Variants in ZFC3H1 observed in about 807,000 individuals in gnomAD.
ZFC3H1 encodes the protein zinc finger C3H1-type containing, also known as zinc finger C3H1 domain-containing protein.
In ZFC3H1, 71 loss-of-function variants were observed where a neutral mutation model predicts 243.7. That is an observed-to-expected ratio of 0.29 (90% CI 0.24 to 0.36). The LOEUF is 0.36. Ranked by LOEUF, ZFC3H1 falls within the 10% of genes least tolerant of loss-of-function variation. The pLI is 1.00. For missense variants in ZFC3H1, 1,966 were observed against 2,317.1 expected, an observed-to-expected ratio of 0.85 and a Z score of 3.11; for synonymous variants, 838 against 813.0, an observed-to-expected ratio of 1.03 and a Z score of -0.52.
chr12:71,638,390 A>C (rs778061956), intron 7 of ZFC3H1, 28 bp downstream of exon 7: 4 of 1,594,882 alleles, frequency 2.5e-6, no homozygotes, highest in African/African-American at 2.7e-5. Flanking sequence ...AGACAAAATA[A>C]TTTTCTTAGA....
chr12:71,618,125 C>T (rs1281374304), intron 27 of ZFC3H1, among the ~76,000 whole-genome samples: 1 of 151,750 alleles, frequency 6.6e-6, no homozygotes, highest in Admixed American at 6.6e-5. Context: ...ATTAGCCGGG[C>T]GTGGGGGTGT....
At chr12:71,662,511 T>C (rs1313618039) in intron 1 of ZFC3H1, among the ~76,000 whole-genome samples, 1 of 123,164 alleles carries the variant, frequency 8.1e-6, no homozygotes, top group Non-Finnish European at 1.7e-5. Flanking sequence ...CCCCCCACTT[T>C]AAAAGGCAGC....
chr12:71,657,638 T>C (rs1037589292), intron 1 of ZFC3H1, among the ~76,000 whole-genome samples: 3 of 152,182 alleles, frequency 2.0e-5, no homozygotes, highest in Non-Finnish European at 4.4e-5. Flanking sequence ...ATGTTAGAGA[T>C]TATTTTCTGA....
rs1879988282 is a variant in ZFC3H1, at chr12:71,620,135, A to C, written c.4851-11T>G. The C allele has an allele frequency of 1.9e-6, 3 of 1,605,754 alleles. No individual in the cohort carries two copies. The highest frequency in any genetic ancestry group is 2.5e-6 in the Non-Finnish European group (3 of 1,177,662). On this transcript the variant is annotated splice_polypyrimidine_tract_variant and intron_variant, in intron 25 of 34. Transcript: ENST00000378743. ...ATTGCAGCCTCATACCTTAACAAAA[A>C]AGAAAAAAAAAGGCTAAAGACATGA...
chr12:71,620,160 A>T, intron 25 of ZFC3H1, 36 bp from the exon 26 acceptor site: 1 of 1,611,582 alleles, frequency 6.2e-7, no homozygotes, highest in Non-Finnish European at 8.5e-7. Context: ...TAAAGACATG[A>T]AAAGATCACT....
In ZFC3H1 at chr12:71,627,805, G is replaced by A. The variant is rs1200517855; in HGVS notation, c.4076C>T (p.Ser1359Phe). 4 of 1,613,608 alleles carry A rather than the reference G, an allele frequency of 2.5e-6. No individual in the cohort carries two copies. Among genetic ancestry groups the A allele is most frequent in the Admixed American group, 1.7e-5 (1 of 59,966 alleles). Residue 1359 changes from serine (S) to phenylalanine (F), a missense_variant, in exon 21 of 35, where the codon TCT (serine) becomes TTT (phenylalanine). Ser to Phe is a radical substitution (Grantham distance 155). Transcript: ENST00000378743. ...NLEASVLENP[S>F]HVQLWLKLAY... is the part of the protein sequence containing the mutation. ...AAGCTTGAGCCAAAGTTGTACATGA[G>A]AAGGATTTTCAAGCACACTTGCTTC...
At chr12:71,658,282 ATTTTTTTTTTTT>A (rs11454442) in intron 1 of ZFC3H1, among the ~76,000 whole-genome samples, 6 of 92,800 alleles carry the variant, frequency 6.5e-5, no homozygotes, top group Non-Finnish European at 1.2e-4. Context: ...TCATTTATAG[ATTTTTTTTTTTT>A]TTTTTTTTTT....
At chr12:71,610,959 G>A (rs1414119459) in intron 33 of ZFC3H1, 99 bp downstream of exon 33, 5 of 1,540,144 alleles carry the variant, frequency 3.2e-6, no homozygotes, top group African/African-American at 1.4e-5. Context: ...TGCATGAAAT[G>A]TTAACTTCTG....
chr12:71,635,746 G>A (rs904896547), intron 9 of ZFC3H1, among the ~76,000 whole-genome samples, 166 bp from the exon 10 acceptor site: 4 of 152,074 alleles, frequency 2.6e-5, no homozygotes, highest in African/African-American at 9.7e-5. Context: ...ATATGACTGA[G>A]ACATAAAATG....
In ZFC3H1 at chr12:71,651,731, TAA is replaced by T. The variant is rs1208879775; in HGVS notation, c.1016-3920_1016-3919del. On this transcript the variant is annotated intron_variant, in intron 2 of 34. Transcript: ENST00000378743. ...AAGAGGAAGAATACTTGACATAATT[TAA>T]GAGAGAATGTAGGATGAGGTGGAAG... 2.6e-5 allele frequency among the ~76,000 whole-genome samples: 4 copies of T among 152,232 alleles called. No homozygotes were observed. The East Asian group carries it at 7.7e-4, about 29-fold the overall frequency.
intron 5 of ZFC3H1, 23 bp from the exon 6 acceptor site, chr12:71,642,582 G>T: frequency 6.3e-7 from 1 of 1,584,494 alleles, no homozygotes; most frequent in Admixed American, 1.8e-5. Context: ...CACTTTTTTA[G>T]TTTCAAAGCA....
chr12:71,619,861 G>A (rs1879981262), intron 26 of ZFC3H1, 65 bp downstream of exon 26: 2 of 1,459,842 alleles, frequency 1.4e-6, no homozygotes, highest in Non-Finnish European at 1.9e-6. Flanking sequence ...ACACTTCCTG[G>A]TGAGGCCAAT....
intron 20 of ZFC3H1, 125 bp from the exon 21 acceptor site, chr12:71,628,059 G>T: frequency 2.1e-6 from 2 of 936,682 alleles, no homozygotes; most frequent in South Asian, 1.6e-5. Context: ...ACATGTACTA[G>T]CTCACAGCTT....
intron 3 of ZFC3H1, among the ~76,000 whole-genome samples, chr12:71,646,994 T>C (rs1149014): frequency 0.54 from 82,155 of 152,140 alleles, 26,046 homozygotes; most frequent in Middle Eastern, 0.73. Flanking sequence ...AAAATGTATA[T>C]AATGTCAACT....
At chr12:71,661,923 A>G (rs565585330) in intron 1 of ZFC3H1, among the ~76,000 whole-genome samples, 2 of 152,210 alleles carry the variant, frequency 1.3e-5, no homozygotes, top group African/African-American at 4.8e-5. Flanking sequence ...ACATCATGAC[A>G]TTTGAGAAAG....
intron 24 of ZFC3H1, among the ~76,000 whole-genome samples, chr12:71,621,078 CCT>C (rs1880012824): frequency 3.3e-5 from 5 of 152,206 alleles, no homozygotes; most frequent in Admixed American, 6.5e-5. Flanking sequence ...GTTTAAATTT[CCT>C]CTTAGTCCCA....
intron 19 of ZFC3H1, among the ~76,000 whole-genome samples, chr12:71,629,295 A>C (rs1395373717): frequency 1.3e-5 from 2 of 151,490 alleles, no homozygotes; most frequent in Non-Finnish European, 2.9e-5. Flanking sequence ...CCTCCCAAGT[A>C]GCTGAGGCTG....
At position 71,626,209 on chromosome 12, in the gene ZFC3H1, TAC is replaced by T. The variant is rs55719302; in HGVS notation, c.4317+49_4317+50del. 6.3e-3 allele frequency: 6,759 copies of T among 1,075,162 alleles called. 29 individuals are homozygous for T. Among genetic ancestry groups the T allele is most frequent in the African/African-American group, 0.038 (2,500 of 65,508 alleles). 66.6% of individuals were successfully genotyped at this position (1,075,162 alleles called of 1,614,324 possible). On this transcript the variant is annotated intron_variant, in intron 22 of 34. Transcript: ENST00000378743. ...ATTTTTAAGATGATCCAAATAATTA[TAC>T]ACACACACACACACACACACACACA...
At chr12:71,622,123 C>A (rs1880045817) in intron 24 of ZFC3H1, among the ~76,000 whole-genome samples, 1 of 152,226 alleles carries the variant, frequency 6.6e-6, no homozygotes, top group Non-Finnish European at 1.5e-5. Flanking sequence ...AAATCCATTG[C>A]ATAAATTCCC....
Sources: gnomAD v4.1 joint callset for allele counts (sites outside exome capture counted in the v4.1 genomes callset) on GRCh38, gnomAD v4.1.1 for gene constraint, MANE v1.5 for transcripts, NCBI Gene and HGNC (gene_info 2026-07-23, HGNC 2026-07-21) for gene names.